Variants in ASTN1 observed in about 807,000 individuals in gnomAD.
ASTN1 encodes astrotactin 1, also known as astrotactin-1.
In ASTN1, 41 loss-of-function variants were observed where a neutral mutation model predicts 140.7. The observed-to-expected ratio is 0.29, with a 90% CI of 0.23 to 0.38. The LOEUF is 0.38. ASTN1 is among the 10% of genes least tolerant of loss of function. The pLI, the probability that ASTN1 is intolerant of heterozygous loss-of-function variation, is 1.00. For missense variants in ASTN1, 1,479 were observed against 1,678.8 expected, an observed-to-expected ratio of 0.88 and a Z score of 2.08; for synonymous variants, 640 against 652.2, an observed-to-expected ratio of 0.98 and a Z score of 0.29.
chr1:177,111,530 C>G (rs560895004), intron 1 of ASTN1, among the ~76,000 whole-genome samples: 8 of 152,272 alleles, frequency 5.3e-5, no homozygotes, highest in African/African-American at 1.9e-4. Context: ...TATTTACTTA[C>G]AAACGAAGCC....
intron 1 of ASTN1, among the ~76,000 whole-genome samples, chr1:177,136,149 AC>A (rs1682185021): frequency 6.6e-6 from 1 of 152,236 alleles, no homozygotes; most frequent in African/African-American, 2.4e-5. Context: ...CACAGTAGGC[AC>A]CCCTATGCCT....
At chr1:176,929,498 T>C (rs910885410) in intron 16 of ASTN1, among the ~76,000 whole-genome samples, 1 of 152,330 alleles carries the variant, frequency 6.6e-6, no homozygotes, top group Admixed American at 6.5e-5. Context: ...GGGTGATTCC[T>C]TGACTTTAGT....
At chr1:177,010,829 A>G (rs1170134499) in intron 8 of ASTN1, among the ~76,000 whole-genome samples, 1 of 152,228 alleles carries the variant, frequency 6.6e-6, no homozygotes, top group African/African-American at 2.4e-5. Context: ...TTTTAGGAAT[A>G]TGTTTTACTG....
At chr1:177,085,784 T>C (rs954272049) in intron 1 of ASTN1, among the ~76,000 whole-genome samples, 1 of 152,182 alleles carries the variant, frequency 6.6e-6, no homozygotes, top group African/African-American at 2.4e-5. Flanking sequence ...TCTCCTTTTC[T>C]CTTTCTTCAT....
intron 18 of ASTN1, among the ~76,000 whole-genome samples, chr1:176,887,428 T>C (rs1290319912): frequency 2.6e-5 from 4 of 152,142 alleles, no homozygotes; most frequent in Non-Finnish European, 5.9e-5. Flanking sequence ...TTCTCCTTTC[T>C]CCTCACCACT....
intron 8 of ASTN1, among the ~76,000 whole-genome samples, chr1:176,996,886 C>A (rs1023700487): frequency 6.6e-6 from 1 of 152,102 alleles, no homozygotes; most frequent in Non-Finnish European, 1.5e-5. Context: ...ATGGAAAATG[C>A]AATTTGAGGA....
intron 1 of ASTN1, among the ~76,000 whole-genome samples, chr1:177,143,282 T>C (rs1417310192): frequency 6.6e-6 from 1 of 152,240 alleles, no homozygotes; most frequent in Non-Finnish European, 1.5e-5. Context: ...CAAGTTGTTG[T>C]CAATGCCCAG....
intron 1 of ASTN1, among the ~76,000 whole-genome samples, chr1:177,082,855 A>T (rs1679246203): frequency 6.6e-6 from 1 of 152,068 alleles, no homozygotes; most frequent in African/African-American, 2.4e-5. Context: ...AGGATCATAA[A>T]ATTTTCATGG....
At chr1:177,088,877 C>T (rs955936167) in intron 1 of ASTN1, among the ~76,000 whole-genome samples, 3 of 152,178 alleles carry the variant, frequency 2.0e-5, no homozygotes, top group Non-Finnish European at 2.9e-5. Flanking sequence ...TTCCTTCTTT[C>T]CTCAATAAAA....
intron 14 of ASTN1, among the ~76,000 whole-genome samples, chr1:176,939,600 G>A (rs1298294463): frequency 6.6e-6 from 1 of 151,904 alleles, no homozygotes; most frequent in Non-Finnish European, 1.5e-5. Context: ...TTCTCAAGGT[G>A]CCCTTGACAG....
At chr1:177,037,212 G>A (rs1371761044) in intron 2 of ASTN1, among the ~76,000 whole-genome samples, 1 of 152,132 alleles carries the variant, frequency 6.6e-6, no homozygotes, top group East Asian at 1.9e-4. Flanking sequence ...CTTTCAAAGA[G>A]TCTAGCGAAA....
intron 8 of ASTN1, among the ~76,000 whole-genome samples, chr1:176,985,122 T>G (rs1460997037): frequency 6.6e-6 from 1 of 152,208 alleles, no homozygotes; most frequent in Non-Finnish European, 1.5e-5. Context: ...GTCTGCCTTG[T>G]GGGGAGAAGT....
chr1:177,082,003 G>A (rs1679202929), intron 1 of ASTN1, among the ~76,000 whole-genome samples: 1 of 152,166 alleles, frequency 6.6e-6, no homozygotes, highest in African/African-American at 2.4e-5. Flanking sequence ...CAAGGTTTAT[G>A]CTAGAGAGGA....
At chr1:177,133,835 G>A (rs1001080075) in intron 1 of ASTN1, among the ~76,000 whole-genome samples, 21 of 152,170 alleles carry the variant, frequency 1.4e-4, no homozygotes, top group African/African-American at 2.2e-4. Flanking sequence ...GCTCTAGATC[G>A]CATGCTATAT....
At chr1:176,906,855 A>G (rs1201159563) in intron 16 of ASTN1, among the ~76,000 whole-genome samples, 1 of 151,410 alleles carries the variant, frequency 6.6e-6, no homozygotes, top group Non-Finnish European at 1.5e-5. Flanking sequence ...AAAAAAAAAA[A>G]AAAAAGAAAA....
At chr1:177,163,885 A>T (rs1433150770) in intron 1 of ASTN1, among the ~76,000 whole-genome samples, 1 of 152,174 alleles carries the variant, frequency 6.6e-6, no homozygotes, top group Admixed American at 6.5e-5. Context: ...AGGGCTCTCC[A>T]TGAATGAAGA....
chr1:177,152,571 AT>A (rs1314028450), intron 1 of ASTN1, among the ~76,000 whole-genome samples: 7 of 152,194 alleles, frequency 4.6e-5, no homozygotes, highest in African/African-American at 1.7e-4. Flanking sequence ...GGCAGTCAAG[AT>A]TTGAACAAAT....
intron 17 of ASTN1, among the ~76,000 whole-genome samples, chr1:176,890,069 G>A (rs1165260418): frequency 1.3e-5 from 2 of 152,232 alleles, no homozygotes. Context: ...GCACCTGCAA[G>A]GGGCCATTTT....
chr1:177,014,372 C>T (rs1420330465), intron 8 of ASTN1, among the ~76,000 whole-genome samples: 2 of 152,116 alleles, frequency 1.3e-5, no homozygotes, highest in Non-Finnish European at 2.9e-5. Context: ...TGCTGACAGT[C>T]CTGGTGAAAA....
Sources: gnomAD v4.1 joint callset for allele counts (sites outside exome capture counted in the v4.1 genomes callset) on GRCh38, gnomAD v4.1.1 for gene constraint, MANE v1.5 for transcripts, NCBI Gene and HGNC (gene_info 2026-07-23, HGNC 2026-07-21) for gene names.